Variants in CFAP47 observed in about 807,000 individuals in gnomAD.
The protein encoded by CFAP47 is cilia and flagella associated protein 47.
Under a neutral mutation model 148.1 loss-of-function variants are expected in CFAP47, and 29 were observed. The observed-to-expected ratio is 0.20, with a 90% CI of 0.15 to 0.27. The LOEUF is 0.27. Among genes scored for constraint, CFAP47 ranks in the 10% least tolerant of loss-of-function variants. The pLI is 1.00. For missense variants in CFAP47, 1,872 were observed against 1,697.5 expected (o/e 1.10, Z -1.81); for synonymous variants, 664 against 577.3 (o/e 1.15, Z -2.15).
chrX:36,330,744 G>T (rs1434645209), intron 57 of CFAP47, among the ~76,000 whole-genome samples: 1 of 111,697 alleles, frequency 9.0e-6, no homozygotes, highest in Admixed American at 9.5e-5. Context: ...GGAGGACAAA[G>T]AAAGCAAAAA....
intron 33 of CFAP47, among the ~76,000 whole-genome samples, chrX:36,120,998 C>G (rs930868227): frequency 2.7e-5 from 3 of 111,631 alleles, no homozygotes; most frequent in Non-Finnish European, 3.8e-5. Context: ...GGTTATATCT[C>G]TCTCTTAAGC....
At position 36,236,763 on chromosome X, in the gene CFAP47, G is replaced by C. The variant is rs782009804; in HGVS notation, c.7236G>C (p.Ser2412=). The C allele has an allele frequency of 1.9e-4, 100 of 523,262 alleles. No homozygotes were observed. Among genetic ancestry groups the C allele is most frequent in the Admixed American group, 1.4e-3 (51 of 37,406 alleles). 43.1% of individuals were successfully genotyped at this position (523,262 alleles called of 1,213,427 possible). Residue 2412 remains serine (S), a synonymous_variant, in exon 48 of 64, where the codon TCG becomes TCC. Coordinates refer to ENST00000378653, the MANE Select transcript of CFAP47 (RefSeq NM_001304548.2). ...FDIKGVGKKP[S]ALEHITVECQ... ...TAAAAGGGGTTGGGAAAAAACCTTC[G>C]GCCTTGGAACACATCACTGTGGAAT...
chrX:36,352,036 A>G (rs1353853362), intron 59 of CFAP47, among the ~76,000 whole-genome samples: 1 of 110,794 alleles, frequency 9.0e-6, no homozygotes, highest in Non-Finnish European at 1.9e-5. Context: ...TTTAAGCCAC[A>G]TTTTCTCTTT....
chrX:36,358,927 T>G (rs1556018825), intron 60 of CFAP47, among the ~76,000 whole-genome samples: 1 of 111,606 alleles, frequency 9.0e-6, no homozygotes, highest in Non-Finnish European at 1.9e-5. Flanking sequence ...TCCCAGGACC[T>G]GTGCTCTCAT....
chrX:35,989,429 A>G lies in CFAP47; in HGVS notation c.2824A>G (p.Lys942Glu). 1 of 1,210,971 alleles carries G rather than the reference A, an allele frequency of 8.3e-7. No individual in the cohort carries two copies. Residue 942 changes from lysine (K) to glutamate (E), a missense_variant, in exon 16 of 64, where the codon AAG becomes GAG. Coordinates refer to ENST00000378653, the MANE Select transcript of CFAP47 (RefSeq NM_001304548.2). ...ILHVFQGNAL[K>E]LKCVAHLGRT... ...TCATGTCTTTCAAGGAAACGCGTTG[A>G]AGCTAAAATGTGTTGCACATGTAAT...
chrX:35,920,125 A>G (rs1438124000), intron 1 of CFAP47, 77 bp downstream of exon 1: 14 of 1,059,370 alleles, frequency 1.3e-5, no homozygotes, highest in Non-Finnish European at 1.7e-5. Flanking sequence ...TGCCCCAGGG[A>G]GTAGTCATCT....
chrX:35,957,430 C>T (rs972531177), intron 8 of CFAP47, among the ~76,000 whole-genome samples: 1 of 111,134 alleles, frequency 9.0e-6, no homozygotes, highest in Non-Finnish European at 1.9e-5. Context: ...AGCTTTCTTC[C>T]AATTGCAATT....
chrX:36,141,370 A>G (rs1939136692), intron 35 of CFAP47, among the ~76,000 whole-genome samples: 1 of 111,652 alleles, frequency 9.0e-6, no homozygotes, highest in Non-Finnish European at 1.9e-5. Flanking sequence ...CAAGGACAGG[A>G]GGAGAAAAGG....
intron 8 of CFAP47, among the ~76,000 whole-genome samples, chrX:35,956,528 A>G (rs1936248531): frequency 8.9e-6 from 1 of 112,361 alleles, no homozygotes; most frequent in Non-Finnish European, 1.9e-5. Context: ...AAGGTGATAT[A>G]GAAACTCAAA....
rs185462047 is a variant in CFAP47, at chrX:36,091,580, A to G, written c.4916+6042A>G. On this transcript the variant is annotated intron_variant, in intron 30 of 63. Transcript: ENST00000378653. ...ATGAAGATTCACAGAAGTAATGTGCATGAGGACAGGAATTGTGTGAAAATC... is the reference window on the plus strand; with the variant it reads ...ATGAAGATTCACAGAAGTAATGTGCGTGAGGACAGGAATTGTGTGAAAATC... Among the ~76,000 whole-genome samples, 203 of 111,468 alleles carry G rather than the reference A, an allele frequency of 1.8e-3. 1 individual carries two copies. Among genetic ancestry groups the G allele is most frequent in the Non-Finnish European group, 2.9e-3 (152 of 52,872 alleles).
chrX:36,032,085 T>C (rs1460825884), intron 23 of CFAP47, among the ~76,000 whole-genome samples: 1 of 111,472 alleles, frequency 9.0e-6, no homozygotes, highest in Non-Finnish European at 1.9e-5. Flanking sequence ...TCAAGAAAAC[T>C]ACTTTGAATA....
intron 2 of CFAP47, among the ~76,000 whole-genome samples, chrX:35,935,442 G>C (rs1199492720): frequency 9.0e-6 from 1 of 111,614 alleles, no homozygotes; most frequent in Non-Finnish European, 1.9e-5. Context: ...CACTGCTGGG[G>C]GTTGGGGAGG....
At chrX:36,098,429 A>G (rs896606026) in intron 30 of CFAP47, among the ~76,000 whole-genome samples, 1 of 111,637 alleles carries the variant, frequency 9.0e-6, no homozygotes, top group Non-Finnish European at 1.9e-5. Flanking sequence ...AGCCAAGCCT[A>G]TATCTTTCCT....
rs1941388521 is a variant in CFAP47, at chrX:36,310,909, G to A, written c.8264G>A (p.Arg2755His). The A allele has an allele frequency of 5.3e-6, 6 of 1,136,968 alleles. No individual in the cohort carries two copies. In the African/African-American group the frequency reaches 5.5e-5, roughly 10 times the overall value. The allele number at this position is 1,136,968 out of a possible 1,213,427, so 93.7% of individuals were successfully genotyped here. The change falls in exon 56 of 64, where the codon CGC becomes CAC. Residue 2755 changes from arginine (R) to histidine (H), a missense_variant. Physicochemically the swap from Arg to His is conservative, Grantham distance 29. Coordinates refer to ENST00000378653, the MANE Select transcript of CFAP47 (RefSeq NM_001304548.2). ...QPLDTERITT[R>H]IGLQSTIVIP... ...CTAGACACGGAAAGAATAACCACAC[G>A]CATTGGTCTTCAGTCAACTATTGTT...
chrX:36,384,683 C>T (rs1942110707), intron 63 of CFAP47, 114 bp from the exon 64 acceptor site: 1 of 502,878 alleles, frequency 2.0e-6, no homozygotes, highest in South Asian at 3.7e-5. Context: ...CAGTTTTGTA[C>T]CTTTTCCATA....
chrX:36,248,055 A>G (rs1035640958), intron 48 of CFAP47, among the ~76,000 whole-genome samples: 4 of 109,663 alleles, frequency 3.6e-5, no homozygotes, highest in Non-Finnish European at 5.7e-5. Context: ...GAGACATTTT[A>G]TAAAGATAAA....
chrX:36,013,596 G>A (rs1487641020), intron 21 of CFAP47, among the ~76,000 whole-genome samples: 2 of 110,963 alleles, frequency 1.8e-5, no homozygotes, highest in Non-Finnish European at 3.8e-5. Context: ...GATGGTTAAT[G>A]GGTACAAAAA....
At chrX:36,277,472 G>A (rs781884059) in intron 49 of CFAP47, among the ~76,000 whole-genome samples, 1 of 112,126 alleles carries the variant, frequency 8.9e-6, no homozygotes, top group African/African-American at 3.2e-5. Flanking sequence ...TGAGGACAAT[G>A]CATTTTTAAA....
intron 1 of CFAP47, among the ~76,000 whole-genome samples, chrX:35,923,316 G>A (rs775612608): frequency 3.6e-5 from 4 of 111,782 alleles, no homozygotes; most frequent in African/African-American, 1.3e-4. Flanking sequence ...GACTGTAGAA[G>A]TGTATTTACA....
Sources: allele counts gnomAD v4.1 joint callset (sites outside exome capture counted in the v4.1 genomes callset), GRCh38; gene constraint gnomAD v4.1.1; transcripts MANE v1.5; gene names NCBI Gene and HGNC (gene_info 2026-07-23, HGNC 2026-07-21).